YLPM1: variants seen among roughly 807,000 people sequenced by gnomAD.
YLPM1 encodes the protein YLP motif containing 1.
In YLPM1, 99 loss-of-function variants were observed where a neutral mutation model predicts 230.0. The observed-to-expected ratio is 0.43, with a 90% CI of 0.37 to 0.51. The LOEUF is 0.51. YLPM1 is among the 20% of genes least tolerant of loss of function. The pLI is 0.00. For missense variants in YLPM1, 2,592 were observed against 2,707.7 expected (o/e 0.96, Z 0.95); for synonymous variants, 984 against 942.5 (o/e 1.04, Z -0.81).
In YLPM1 at chr14:74,809,540, T is replaced by C. The variant is rs1244319018; in HGVS notation, c.4682T>C (p.Val1561Ala). ...CCACCTCTACCTCCTCCTCCTCCAG[T>C]GATAAAGCCACAAACTTCAGCTGTA... Reference protein sequence around the residue: ...PPPPLPPPPPVIKPQTSAVEQ... With the variant: ...PPPPLPPPPPAIKPQTSAVEQ... Residue 1561 changes from valine to alanine, a missense_variant, in exon 7 of 21, where the codon GTG becomes GCG. Coordinates refer to ENST00000325680, the MANE Select transcript of YLPM1 (RefSeq NM_019589.3). 1.3e-6 allele frequency: 2 copies of C among 1,597,022 alleles called. No individual in the cohort carries two copies. The highest frequency in any genetic ancestry group is 1.1e-5 in the South Asian group (1 of 88,778).
chr14:74,810,899 C>A (rs1224749743), intron 9 of YLPM1, among the ~76,000 whole-genome samples: 1 of 152,148 alleles, frequency 6.6e-6, no homozygotes, highest in Non-Finnish European at 1.5e-5. Flanking sequence ...TCTCAGCTCA[C>A]TGCAGCCTCC....
At chr14:74,792,441 C>G (rs1162060228) in intron 4 of YLPM1, among the ~76,000 whole-genome samples, 2 of 152,100 alleles carry the variant, frequency 1.3e-5, no homozygotes, top group Non-Finnish European at 2.9e-5. Flanking sequence ...GAGAAGCGGC[C>G]CTTCTGATGA....
chr14:74,775,322 C>T (rs2091024339), intron 1 of YLPM1, among the ~76,000 whole-genome samples: 1 of 152,036 alleles, frequency 6.6e-6, no homozygotes, highest in Admixed American at 6.6e-5. Flanking sequence ...GCAGCTGTCC[C>T]CTAAGAAAAA....
intron 17 of YLPM1, chr14:74,821,879 G>T (rs1423438425): frequency 2.0e-5 from 3 of 152,010 alleles, no homozygotes; most frequent in Non-Finnish European, 4.4e-5. Context: ...AATATTACTC[G>T]GTTTATTTAA....
chr14:74,824,241 CTG>C lies in YLPM1; in HGVS notation c.6112-11_6112-10del. 1.2e-6 allele frequency: 2 copies of C among 1,611,458 alleles called. No homozygotes were observed. Among genetic ancestry groups the C allele is most frequent in the Non-Finnish European group, 1.7e-6 (2 of 1,178,448 alleles). Reference sequence around the variant, plus strand: ...TCTTTCTAACCCTTCGAGCTTCTCTCTGTGTACGATTTAGGGTTACATTCCGA... The same window carrying C: ...TCTTTCTAACCCTTCGAGCTTCTCTCTGTACGATTTAGGGTTACATTCCGA... On this transcript the variant is annotated splice_polypyrimidine_tract_variant and intron_variant, in intron 17 of 20. Transcript: ENST00000325680.
chr14:74,765,358 A>G (rs1187238740), intron 1 of YLPM1, among the ~76,000 whole-genome samples: 1 of 152,252 alleles, frequency 6.6e-6, no homozygotes, highest in Non-Finnish European at 1.5e-5. Context: ...AAGATTTCCA[A>G]AAGATAGGGA....
Position 74,763,957 on chromosome 14 carries a change from C to A in YLPM1, c.468C>A (p.Ser156=). The A allele has an allele frequency of 7.7e-7, 1 of 1,303,456 alleles. No individual in the cohort carries two copies. The highest frequency in any genetic ancestry group is 2.2e-5 in the Admixed American group (1 of 44,728). 80.7% of individuals were successfully genotyped at this position (1,303,456 alleles called of 1,614,324 possible). A position where few individuals can be genotyped will look rare whatever the true frequency, so the allele number is the denominator to read the frequency against. The stretch of plus-strand genomic sequence containing the variant: ...AATCTCCCCCTGTGCCGCCTGGGTC[C>A]TATATGCCCCCATCTCAGTCTTACA... ...PPESPPVPPG[S]YMPPSQSYMP... The change falls in exon 1 of 21, where the codon TCC becomes TCA. Residue 156 remains serine, a synonymous_variant. Coordinates refer to ENST00000325680, the MANE Select transcript of YLPM1 (RefSeq NM_019589.3).
intron 1 of YLPM1, 91 bp from the exon 2 acceptor site, chr14:74,778,356 A>T: frequency 8.9e-7 from 1 of 1,121,970 alleles, no homozygotes; most frequent in Non-Finnish European, 1.3e-6. Flanking sequence ...TAGACACATG[A>T]ACACAGACAT....
rs753694448 is a variant in YLPM1 at position 74,763,927 on chromosome 14, C to G, written c.438C>G (p.Pro146=). 1 of 1,153,720 alleles carries G rather than the reference C, an allele frequency of 8.7e-7. No individual in the cohort carries two copies. Among genetic ancestry groups the G allele is most frequent in the East Asian group, 6.2e-5 (1 of 16,076 alleles). The allele number at this position is 1,153,720 out of a possible 1,614,324, so 71.5% of individuals were successfully genotyped here. ...PGLVPMELES[P]PESPPVPPGS... is the part of the protein sequence containing the mutation. The stretch of plus-strand genomic sequence containing the variant: ...TGGTTCCAATGGAGCTGGAATCCCC[C>G]CCTGAATCTCCCCCTGTGCCGCCTG... Residue 146 remains proline, a synonymous_variant, in exon 1 of 21, where the codon CCC becomes CCG. Transcript: ENST00000325680.
chr14:74,782,831 T>C (rs1212445834), intron 4 of YLPM1, among the ~76,000 whole-genome samples: 2 of 152,094 alleles, frequency 1.3e-5, no homozygotes, highest in Admixed American at 6.6e-5. Context: ...CTTAGAGCAG[T>C]GAATATAGCA....
intron 18 of YLPM1, chr14:74,827,842 C>A (rs2091577679): frequency 1.0e-6 from 1 of 985,174 alleles, no homozygotes; most frequent in African/African-American, 1.7e-5. Context: ...TCTTTAAGAT[C>A]ATGTATAATA....
chr14:74,821,325 G>A (rs1423859355), intron 17 of YLPM1, 188 bp downstream of exon 17: 7 of 803,592 alleles, frequency 8.7e-6, no homozygotes, highest in Middle Eastern at 7.6e-4. Context: ...ACCCTCTAAT[G>A]TGGTGTTAAG....
chr14:74,821,506 G>A (rs2091520331), intron 17 of YLPM1: 1 of 157,590 alleles, frequency 6.3e-6, no homozygotes, highest in East Asian at 1.8e-4. Flanking sequence ...TCTCTTCTTT[G>A]CTACAAGATC....
chr14:74,815,501 G>A (rs2091470570), intron 11 of YLPM1, among the ~76,000 whole-genome samples: 1 of 151,468 alleles, frequency 6.6e-6, no homozygotes, highest in Non-Finnish European at 1.5e-5. Context: ...GGCAGAGGTT[G>A]CGATGAGCCA....
At chr14:74,804,257 G>A (rs985219405) in intron 6 of YLPM1, among the ~76,000 whole-genome samples, 3 of 152,158 alleles carry the variant, frequency 2.0e-5, no homozygotes, top group South Asian at 2.1e-4. Context: ...AGGCAGCGTC[G>A]ATGTGATTTG....
chr14:74,826,368 T>A (rs776975355), intron 18 of YLPM1, among the ~76,000 whole-genome samples: 1 of 152,196 alleles, frequency 6.6e-6, no homozygotes, highest in Non-Finnish European at 1.5e-5. Context: ...CATAACAAAT[T>A]TAATATAATT....
In YLPM1 at chr14:74,764,083, A is replaced by G. The variant is rs143987825; in HGVS notation, c.594A>G (p.Gln198=). 1.1e-5 allele frequency: 17 copies of G among 1,607,612 alleles called. No homozygotes were observed. The highest frequency in any genetic ancestry group is 6.7e-5 in the East Asian group (3 of 44,552). ...QPSPSQSPPS[Q]SYLAPTPSYS... is the part of the protein sequence containing the mutation. ...CCCCTTCGCAGTCCCCACCTTCCCA[A>G]TCCTACCTGGCGCCCACCCCTTCTT... Residue 198 remains glutamine (Q), a synonymous_variant, in exon 1 of 21, where the codon CAA becomes CAG. Transcript: ENST00000325680.
chr14:74,824,201 A>G, intron 17 of YLPM1, 55 bp from the exon 18 acceptor site: 1 of 1,551,456 alleles, frequency 6.4e-7, no homozygotes, highest in South Asian at 1.2e-5. Context: ...CAAACGTGAT[A>G]TGCATGTATG....
At position 74,801,483 on chromosome 14, in the gene YLPM1, C is replaced by T. The variant is rs17102564; in HGVS notation, c.4401-1073C>T. Among the ~76,000 whole-genome samples the T allele has an allele frequency of 7.3e-3, 1,115 of 152,140 alleles. 20 individuals are homozygous for T. The highest frequency in any genetic ancestry group is 0.033 in the East Asian group (171 of 5,184). On this transcript the variant is annotated intron_variant, in intron 5 of 20. Coordinates refer to ENST00000325680, the MANE Select transcript of YLPM1 (RefSeq NM_019589.3). The stretch of plus-strand genomic sequence containing the variant: ...TTGTGAAAAAAAGTAAAAGGAATTT[C>T]GTCAGTTTAAAGAAAAAACCGAAGG...
Sources: allele counts gnomAD v4.1 joint callset (sites outside exome capture counted in the v4.1 genomes callset), GRCh38; gene constraint gnomAD v4.1.1; transcripts MANE v1.5; gene names NCBI Gene and HGNC (gene_info 2026-07-23, HGNC 2026-07-21).